SLC38A6: variants seen among roughly 807,000 people sequenced by gnomAD.
The protein encoded by SLC38A6 is solute carrier family 38 member 6.
In SLC38A6, 73 loss-of-function variants were observed where a neutral mutation model predicts 65.0. That is an observed-to-expected ratio of 1.12 (90% CI 0.93 to 1.37). SLC38A6 has a LOEUF of 1.37. Ranked by LOEUF, SLC38A6 falls within the 40% of genes most tolerant of loss-of-function variation. The pLI, the probability that SLC38A6 is intolerant of heterozygous loss-of-function variation, is 0.00. For missense variants in SLC38A6, 561 were observed against 531.1 expected, an observed-to-expected ratio of 1.06 and a Z score of -0.55; for synonymous variants, 183 against 178.8, an observed-to-expected ratio of 1.02 and a Z score of -0.19.
intron 5 of SLC38A6, among the ~76,000 whole-genome samples, chr14:61,023,075 T>C (rs1313492298): frequency 6.6e-6 from 1 of 152,194 alleles, no homozygotes; most frequent in Non-Finnish European, 1.5e-5. Flanking sequence ...GTAGTATTTG[T>C]TGAATGAATT....
chr14:61,060,990 T>TGC (rs532234582), intron 15 of SLC38A6, among the ~76,000 whole-genome samples: 3,149 of 151,392 alleles, frequency 0.021, 111 homozygotes, highest in African/African-American at 0.073. Context: ...TCGCGCACGG[T>TGC]GCGCGCACAC....
At chr14:61,007,750 A>G (rs2039258464) in intron 3 of SLC38A6, among the ~76,000 whole-genome samples, 1 of 151,882 alleles carries the variant, frequency 6.6e-6, no homozygotes, top group Non-Finnish European at 1.5e-5. Context: ...TTCATATAAT[A>G]TGGAACAAAA....
At chr14:61,021,049 G>T (rs183115460) in intron 5 of SLC38A6, among the ~76,000 whole-genome samples, 2 of 152,160 alleles carry the variant, frequency 1.3e-5, no homozygotes, top group Admixed American at 6.5e-5. Flanking sequence ...TATTGGAGAT[G>T]GCTATACTGT....
At chr14:61,041,642 G>A (rs2041821642) in intron 8 of SLC38A6, among the ~76,000 whole-genome samples, 1 of 152,178 alleles carries the variant, frequency 6.6e-6, no homozygotes, top group South Asian at 2.1e-4. Context: ...GCTCACGCCT[G>A]TAATCCCACA....
At chr14:61,066,194 C>A (rs1415425749) in intron 15 of SLC38A6, among the ~76,000 whole-genome samples, 1 of 152,088 alleles carries the variant, frequency 6.6e-6, no homozygotes, top group Non-Finnish European at 1.5e-5. Flanking sequence ...TGATAATCTT[C>A]CTGTATTTTT....
chr14:61,007,938 C>CT (rs2039273070), intron 3 of SLC38A6, among the ~76,000 whole-genome samples: 1 of 151,734 alleles, frequency 6.6e-6, no homozygotes, highest in East Asian at 1.9e-4. Context: ...TTTGTGATAG[C>CT]TTTTACTTTA....
Position 61,043,465 on chromosome 14 carries a change from G to C in SLC38A6, c.706G>C (p.Asp236His). ...TCTTAAACAGATTTCAAATGTTACAGATGATTGTAAGCCAAAGCTCTTTCA... is the reference window on the plus strand; with the variant it reads ...TCTTAAACAGATTTCAAATGTTACACATGATTGTAAGCCAAAGCTCTTTCA... Reference protein sequence around the residue: ...EKGFQISNVTDDCKPKLFHFS... With the variant: ...EKGFQISNVTHDCKPKLFHFS... The change falls in exon 10 of 16, where the codon GAT becomes CAT. Residue 236 changes from aspartate to histidine, a missense_variant. Physicochemically the swap from Asp to His is moderately conservative, Grantham distance 81. Transcript: ENST00000267488. 6.2e-7 allele frequency: 1 copy of C among 1,608,156 alleles called. No homozygotes were observed. Among genetic ancestry groups the C allele is most frequent in the Non-Finnish European group, 8.5e-7 (1 of 1,177,774 alleles).
intron 15 of SLC38A6, among the ~76,000 whole-genome samples, chr14:61,067,672 A>G (rs533421499): frequency 2.6e-5 from 4 of 152,196 alleles, no homozygotes; most frequent in African/African-American, 9.6e-5. Flanking sequence ...CTGTTGATTT[A>G]CATTTTTTAA....
intron 3 of SLC38A6, among the ~76,000 whole-genome samples, chr14:60,992,218 T>C (rs2037952506): frequency 2.0e-5 from 3 of 152,180 alleles, no homozygotes; most frequent in African/African-American, 7.2e-5. Flanking sequence ...ATCAGCTACC[T>C]CTGATATTGG....
intron 3 of SLC38A6, among the ~76,000 whole-genome samples, chr14:60,992,419 G>T (rs2037968105): frequency 6.6e-6 from 1 of 152,048 alleles, no homozygotes; most frequent in Non-Finnish European, 1.5e-5. Context: ...ATATTTCTCG[G>T]ATCTGCCTAA....
intron 6 of SLC38A6, among the ~76,000 whole-genome samples, chr14:61,032,990 C>G (rs1363381252): frequency 6.6e-6 from 1 of 151,800 alleles, no homozygotes; most frequent in Non-Finnish European, 1.5e-5. Context: ...TCATAATATT[C>G]TAATAGAAGT....
intron 16 of SLC38A6, chr14:61,083,489 A>G: frequency 6.6e-7 from 1 of 1,511,058 alleles, no homozygotes; most frequent in Non-Finnish European, 8.8e-7. Flanking sequence ...TCTTTAAAGA[A>G]GTAATTAAAT....
At chr14:60,982,317 T>C in intron 1 of SLC38A6, 191 bp from the exon 2 acceptor site, 1 of 687,784 alleles carries the variant, frequency 1.5e-6, no homozygotes, top group East Asian at 3.2e-5. Flanking sequence ...AAACCCTAGA[T>C]TCCTGGAGCT....
At chr14:60,984,919 AGGGTGATC>A in intron 3 of SLC38A6, 116 bp downstream of exon 3, 11 of 975,366 alleles carry the variant, frequency 1.1e-5, no homozygotes, top group Middle Eastern at 3.2e-4. Context: ...TTTATTAGAT[AGGGTGATC>A]GGAATGGAGA....
intron 2 of SLC38A6, among the ~76,000 whole-genome samples, chr14:60,983,554 G>T (rs1394109466): frequency 6.6e-6 from 1 of 152,176 alleles, no homozygotes; most frequent in Non-Finnish European, 1.5e-5. Flanking sequence ...CTAATAGAAT[G>T]AATTAACAAA....
chr14:61,034,421 A>G (rs2041209712), intron 6 of SLC38A6: 2 of 152,140 alleles, frequency 1.3e-5, no homozygotes, highest in South Asian at 4.1e-4. Flanking sequence ...CAGATTTTCA[A>G]GTGTATAATG....
chr14:61,082,331 T>C (rs2043691619), intron 16 of SLC38A6, among the ~76,000 whole-genome samples: 3 of 152,242 alleles, frequency 2.0e-5, no homozygotes, highest in South Asian at 2.1e-4. Flanking sequence ...TTTAGTCCTG[T>C]TGACTGCTTT....
At chr14:61,043,048 G>A (rs974489004) in intron 8 of SLC38A6, 99 bp from the exon 9 acceptor site, 3 of 735,474 alleles carry the variant, frequency 4.1e-6, no homozygotes, top group African/African-American at 1.9e-5. Flanking sequence ...TCTTCTATTA[G>A]CATCTTATTT....
At chr14:61,049,161 G>C (rs986526068) in intron 12 of SLC38A6, among the ~76,000 whole-genome samples, 1 of 152,042 alleles carries the variant, frequency 6.6e-6, no homozygotes. Context: ...TCCTGCTTTA[G>C]TTCAGATCAT....
Sources: gnomAD v4.1 joint callset for allele counts (sites outside exome capture counted in the v4.1 genomes callset) on GRCh38, gnomAD v4.1.1 for gene constraint, MANE v1.5 for transcripts, NCBI Gene and HGNC (gene_info 2026-07-23, HGNC 2026-07-21) for gene names.